ASIC4: variants seen among roughly 807,000 people sequenced by gnomAD.
ASIC4 encodes the protein acid sensing ion channel subunit family member 4.
ASIC4 carries 28 observed loss-of-function variants against 53.4 expected under a neutral mutation model. The observed-to-expected ratio is 0.52, with a 90% CI of 0.39 to 0.72. ASIC4 has a LOEUF of 0.72. ASIC4 is among the 30% of genes least tolerant of loss of function. The pLI is 0.00. For synonymous variants in ASIC4, 289 were observed against 301.4 expected (o/e 0.96, Z 0.43); for missense variants, 649 against 729.7 (o/e 0.89, Z 1.27).
At chr2:219,510,798 G>T (rs1469188533), upstream of ASIC4, among the ~76,000 whole-genome samples, 1 of 152,142 alleles carries the variant, frequency 6.6e-6, no homozygotes, top group African/African-American at 2.4e-5. The surrounding 1 kb of genome is among the most constrained non-coding windows in gnomAD (Gnocchi z 5.2). Context: ...GCGGTGGGAC[G>T]CTAACCCTCT....
At chr2:219,534,230 C>T (rs745835493) in intron 5 of ASIC4, among the ~76,000 whole-genome samples, 1 of 152,216 alleles carries the variant, frequency 6.6e-6, no homozygotes, top group Non-Finnish European at 1.5e-5. Flanking sequence ...GGCAGCCACA[C>T]ACATCCAGCC....
chr2:219,533,487 C>T (rs1327927616), intron 5 of ASIC4: 4 of 165,450 alleles, frequency 2.4e-5, no homozygotes, highest in South Asian at 1.7e-4. Flanking sequence ...CCACACAGCC[C>T]GTCAACTCCT....
rs1251611101 is a variant in ASIC4 at position 219,537,661 on chromosome 2, G to A, written c.1431G>A (p.Trp477Ter). 1 of 1,613,986 alleles carries A rather than the reference G, an allele frequency of 6.2e-7. No individual in the cohort carries two copies. The highest frequency in any genetic ancestry group is 8.5e-7 in the Non-Finnish European group (1 of 1,179,928). Residue 477 changes from tryptophan (W) to a stop codon, truncating the protein, a stop_gained, in exon 9 of 10, where the codon TGG becomes TGA. Transcript: ENST00000358078. LOFTEE classifies it high-confidence loss of function. The surrounding 1 kb of genome is among the most constrained non-coding windows in gnomAD (Gnocchi z 4.9). Reference protein sequence around the residue: ...EVSWDRLKRVWRRPKTPLRTS... With the variant: ...EVSWDRLKRV Reference sequence around the variant, plus strand: ...CCTGGGATCGACTGAAGCGGGTATGGAGGCGTCCCAAGACCCCCCTGCGGA... The same window carrying A: ...CCTGGGATCGACTGAAGCGGGTATGAAGGCGTCCCAAGACCCCCCTGCGGA...
At chr2:219,533,024 C>A in intron 5 of ASIC4, 85 bp downstream of exon 5, 1 of 1,402,534 alleles carries the variant, frequency 7.1e-7, no homozygotes, top group South Asian at 1.2e-5. Flanking sequence ...TGGATCCTCC[C>A]CTCCCAATCT....
At chr2:219,510,826 C>T (rs190393411), upstream of ASIC4, among the ~76,000 whole-genome samples, 293 of 152,222 alleles carry the variant, frequency 1.9e-3, no homozygotes, top group African/African-American at 6.7e-3. This position sits in a 1 kb window ranked among gnomAD's most constrained non-coding sequence, Gnocchi z 5.2. Context: ...CCTCAGATCA[C>T]GTTCGGGACT....
At chr2:219,511,950 C>G (rs113989949), upstream of ASIC4, among the ~76,000 whole-genome samples, 4 of 151,332 alleles carry the variant, frequency 2.6e-5, no homozygotes, top group Non-Finnish European at 4.4e-5. The surrounding 1 kb of genome is among the most constrained non-coding windows in gnomAD (Gnocchi z 5.3). Context: ...TATAGAGAGA[C>G]AGGGAGGGGG....
In ASIC4 at chr2:219,538,343, G is replaced by A. The variant is rs1695184793; in HGVS notation, c.*297G>A. 3.0e-6 allele frequency: 1 copy of A among 336,962 alleles called. No individual in the cohort carries two copies. The highest frequency in any genetic ancestry group is 4.5e-5 in the Admixed American group (1 of 22,018). The allele number at this position is 336,962 out of a possible 1,614,324, so 20.9% of individuals were successfully genotyped here. On this transcript the variant is annotated 3_prime_UTR_variant, in exon 10 of 10. Coordinates refer to ENST00000358078, the MANE Select transcript of ASIC4 (RefSeq NM_018674.6). ...GGAGGATAGAGCCCATCCCAGCCGG[G>A]GAGGGGGAGCCCTCTGTACATTTGT...
Position 219,514,900 on chromosome 2 carries a change from G to A in ASIC4, c.176G>A (p.Gly59Asp). The A allele has an allele frequency of 6.2e-7, 1 of 1,612,664 alleles. No individual in the cohort carries two copies. The highest frequency in any genetic ancestry group is 8.5e-7 in the Non-Finnish European group (1 of 1,179,846). The change falls in exon 1 of 10, where the codon GGC becomes GAC. Residue 59 changes from glycine (G) to aspartate (D), a missense_variant. Coordinates refer to ENST00000358078, the MANE Select transcript of ASIC4 (RefSeq NM_018674.6). ...CTGCATGGACTGGGCCGGGCCTGTG[G>A]CCCAGGCCCCCACGGACTGCGCAGA... The part of the protein sequence containing the change: ...STLHGLGRAC[G>D]PGPHGLRRTL...
rs1422973556 is a variant in ASIC4 at position 219,517,657 on chromosome 2, C to T, written c.582+2351C>T. 1.3e-5 allele frequency among the ~76,000 whole-genome samples: 2 copies of T among 152,140 alleles called. No homozygotes were observed. Among genetic ancestry groups the T allele is most frequent in the Non-Finnish European group, 2.9e-5 (2 of 68,040 alleles). On this transcript the variant is annotated intron_variant, in intron 1 of 9. Coordinates refer to ENST00000358078, the MANE Select transcript of ASIC4 (RefSeq NM_018674.6). This position sits in a 1 kb window ranked among gnomAD's most constrained non-coding sequence, Gnocchi z 4.2. Reference sequence around the variant, plus strand: ...GATGGGGTGTATTACAGGGGAAAGACTGGAGAATGGGCATGGAGATGAAGA... The same window carrying T: ...GATGGGGTGTATTACAGGGGAAAGATTGGAGAATGGGCATGGAGATGAAGA...
At chr2:219,527,534 G>A (rs1694979546) in intron 1 of ASIC4, among the ~76,000 whole-genome samples, 1 of 152,196 alleles carries the variant, frequency 6.6e-6, no homozygotes, top group Admixed American at 6.5e-5. Context: ...GCCCCTCCGA[G>A]AGTCAGGAGC....
At chr2:219,535,770 TTC>T (rs1373459207) in intron 6 of ASIC4, among the ~76,000 whole-genome samples, 1 of 141,830 alleles carries the variant, frequency 7.1e-6, no homozygotes, top group Non-Finnish European at 1.6e-5. Context: ...ATTCTTCTCC[TTC>T]TTTTTTTTTT....
intron 1 of ASIC4, among the ~76,000 whole-genome samples, chr2:219,528,710 T>G (rs1694996029): frequency 2.0e-5 from 3 of 152,152 alleles, no homozygotes; most frequent in Admixed American, 2.0e-4. Context: ...CAGCTAATTT[T>G]TGTATTTTTA....
chr2:219,532,197 C>A, intron 3 of ASIC4, 69 bp downstream of exon 3: 3 of 1,603,554 alleles, frequency 1.9e-6, no homozygotes, highest in Non-Finnish European at 1.7e-6. Flanking sequence ...GGATGTGGAG[C>A]AAACCTGCCC....
Position 219,537,087 on chromosome 2 carries a change from T to G in ASIC4, c.1251T>G (p.Asp417Glu). 1 of 1,614,132 alleles carries G rather than the reference T, an allele frequency of 6.2e-7. No individual in the cohort carries two copies. The highest frequency in any genetic ancestry group is 8.5e-7 in the Non-Finnish European group (1 of 1,180,008). Residue 417 changes from aspartate to glutamate, a missense_variant, in exon 7 of 10, where the codon GAT becomes GAG. By Grantham distance (45) the Asp-to-Glu change is conservative (BLOSUM62 2). Coordinates refer to ENST00000358078, the MANE Select transcript of ASIC4 (RefSeq NM_018674.6). This position sits in a 1 kb window ranked among gnomAD's most constrained non-coding sequence, Gnocchi z 4.9. ...TYIRENFLVL[D>E]VFFEALTSEA... Reference sequence around the variant, plus strand: ...ACAGGGAGAACTTCCTGGTCCTAGATGTCTTCTTTGAGGCCCTGACCTCTG... The same window carrying G: ...ACAGGGAGAACTTCCTGGTCCTAGAGGTCTTCTTTGAGGCCCTGACCTCTG...
At chr2:219,513,460 A>G (rs1333199964), upstream of ASIC4, among the ~76,000 whole-genome samples, 1 of 136,440 alleles carries the variant, frequency 7.3e-6, no homozygotes, top group Admixed American at 7.6e-5. Context: ...CTCCTGCCCC[A>G]CTCTGCCAGG....
chr2:219,528,260 G>C (rs1193254829), intron 1 of ASIC4, among the ~76,000 whole-genome samples: 1 of 152,194 alleles, frequency 6.6e-6, no homozygotes, highest in Non-Finnish European at 1.5e-5. Context: ...GTCCTGCTCT[G>C]TCACCCAGGC....
chr2:219,510,649 G>A (rs919012604), upstream of ASIC4, among the ~76,000 whole-genome samples: 4 of 152,164 alleles, frequency 2.6e-5, no homozygotes, highest in Non-Finnish European at 5.9e-5. This position sits in a 1 kb window ranked among gnomAD's most constrained non-coding sequence, Gnocchi z 5.2. Flanking sequence ...CCAGGGACCC[G>A]TTGCCTTGGC....
rs755912552 is a variant in ASIC4 at position 219,537,372 on chromosome 2, G to C, written c.1401+51G>C. 9 of 1,564,066 alleles carry C rather than the reference G, an allele frequency of 5.8e-6. No homozygotes were observed. The highest frequency in any genetic ancestry group is 7.8e-6 in the Non-Finnish European group (9 of 1,149,728). On this transcript the variant is annotated intron_variant, in intron 8 of 9. Coordinates refer to ENST00000358078, the MANE Select transcript of ASIC4 (RefSeq NM_018674.6). The surrounding 1 kb of genome is among the most constrained non-coding windows in gnomAD (Gnocchi z 4.9). ...GGGAGTGGGGGCCGTGGGCAAAGCAGAAGGGGGCAGTGCGGGGTGCCTGGT... is the reference window on the plus strand; with the variant it reads ...GGGAGTGGGGGCCGTGGGCAAAGCACAAGGGGGCAGTGCGGGGTGCCTGGT...
chr2:219,532,715 C>T, intron 4 of ASIC4, 168 bp from the exon 5 acceptor site: 1 of 829,276 alleles, frequency 1.2e-6, no homozygotes. Context: ...CGTGCATGCT[C>T]ATTTATATCC....
Sources: gnomAD v4.1 joint callset for allele counts (sites outside exome capture counted in the v4.1 genomes callset) on GRCh38, gnomAD v4.1.1 for gene constraint, Gnocchi (gnomAD v3.1) non-coding constraint, MANE v1.5 for transcripts, NCBI Gene and HGNC (gene_info 2026-07-23, HGNC 2026-07-21) for gene names.